The following FHOD3 variants were observed in gnomAD, a reference collection of about 807,000 sequenced individuals.
The protein encoded by FHOD3 is FH1/FH2 domain-containing protein 3.
A neutral mutation model predicts 173.0 loss-of-function variants in FHOD3; 90 were observed. The ratio of observed to expected loss-of-function variants is 0.52; its 90% CI spans 0.44 to 0.62. FHOD3 has a LOEUF of 0.62. FHOD3 is among the 20% of genes least tolerant of loss of function. The probability of loss-of-function intolerance (pLI) is 0.00; values close to 1 mark genes in which losing one functional copy is unlikely to be tolerated. For missense variants in FHOD3, 1,945 were observed against 2,034.7 expected, an observed-to-expected ratio of 0.96 and a Z score of 0.85; for synonymous variants, 828 against 823.0, an observed-to-expected ratio of 1.01 and a Z score of -0.10.
intron 1 of FHOD3, 133 bp from the exon 2 acceptor site, chr18:36,355,406 C>T (rs1598817084): frequency 1.4e-6 from 1 of 690,300 alleles, no homozygotes; most frequent in East Asian, 2.8e-5. Flanking sequence ...CATACTAGCT[C>T]TTCAAGTTAT....
At chr18:36,585,720 A>G (rs1269108519) in intron 6 of FHOD3, among the ~76,000 whole-genome samples, 1 of 152,196 alleles carries the variant, frequency 6.6e-6, no homozygotes, top group Non-Finnish European at 1.5e-5. Context: ...TTGTGAACGC[A>G]AGAAGCAGAA....
intron 1 of FHOD3, among the ~76,000 whole-genome samples, chr18:36,340,720 T>C (rs2045568711): frequency 6.6e-6 from 1 of 151,788 alleles, no homozygotes; most frequent in African/African-American, 2.4e-5. Flanking sequence ...CACTGCAAGC[T>C]CCGCCTTCCG....
At chr18:36,556,581 C>T (rs1394245036) in intron 5 of FHOD3, among the ~76,000 whole-genome samples, 2 of 152,186 alleles carry the variant, frequency 1.3e-5, no homozygotes, top group African/African-American at 2.4e-5. Flanking sequence ...AAGAAACTTA[C>T]AATAACAGTG....
At chr18:36,448,951 C>T (rs1458675942) in intron 3 of FHOD3, among the ~76,000 whole-genome samples, 1 of 151,686 alleles carries the variant, frequency 6.6e-6, no homozygotes, top group Non-Finnish European at 1.5e-5. Flanking sequence ...TTACCCTTTC[C>T]TCCCCCTCCC....
intron 18 of FHOD3, among the ~76,000 whole-genome samples, chr18:36,712,343 T>G (rs1442215643): frequency 6.6e-6 from 1 of 152,146 alleles, no homozygotes; most frequent in East Asian, 1.9e-4. Flanking sequence ...GCCATAATGA[T>G]ATTGCTTCAG....
intron 3 of FHOD3, among the ~76,000 whole-genome samples, chr18:36,415,516 T>A (rs1174911455): frequency 1.3e-5 from 2 of 152,230 alleles, no homozygotes; most frequent in African/African-American, 4.8e-5. Flanking sequence ...CATTAAAATT[T>A]AAATTACATG....
intron 16 of FHOD3, among the ~76,000 whole-genome samples, chr18:36,692,160 G>A (rs1351120728): frequency 6.6e-6 from 1 of 152,178 alleles, no homozygotes; most frequent in African/African-American, 2.4e-5. Context: ...CCACCTTGAG[G>A]ATGGGATGCA....
Position 36,339,846 on chromosome 18 carries a change from G to T in FHOD3, c.166-15693G>T, listed in dbSNP as rs374553755. Among the ~76,000 whole-genome samples, 152 of 152,320 alleles carry T rather than the reference G, an allele frequency of 1.0e-3. No individual in the cohort carries two copies. The Middle Eastern group carries it at 0.02, about 20-fold the overall frequency. On this transcript the variant is annotated intron_variant, in intron 1 of 28. Transcript: ENST00000590592. ...TCAAAAGAGACTGCTGATGGAAGGAGAATGATTTTTTTCCTGCTTTTTGAA... is the reference window on the plus strand; with the variant it reads ...TCAAAAGAGACTGCTGATGGAAGGATAATGATTTTTTTCCTGCTTTTTGAA...
rs752170663 is a variant in FHOD3, at chr18:36,693,270, G to A, written c.2083G>A (p.Val695Met). The A allele has an allele frequency of 6.2e-7, 1 of 1,613,916 alleles. No homozygotes were observed. The highest frequency in any genetic ancestry group is 2.2e-5 in the East Asian group (1 of 44,872). The change falls in exon 17 of 29, where the codon GTG (valine) becomes ATG (methionine). Residue 695 changes from valine (V) to methionine (M), a missense_variant. Transcript: ENST00000590592. ...EHEKELRSRS[V>M]SRGRADLSLD... ...CGAGAAGGAGCTGAGAAGCCGGAGT[G>A]TGAGCCGGGGCAGAGCCGACCTCTC...
At chr18:36,529,429 T>C (rs74965372) in intron 5 of FHOD3, among the ~76,000 whole-genome samples, 8,761 of 148,870 alleles carry the variant, frequency 0.059, 284 homozygotes, top group Middle Eastern at 0.08. Context: ...ATTGAATAAG[T>C]GCATCTTGCT....
intron 7 of FHOD3, 22 bp from the exon 8 acceptor site, chr18:36,602,652 A>T (rs763389500): frequency 1.9e-6 from 3 of 1,548,062 alleles, no homozygotes; most frequent in Admixed American, 1.7e-5. Flanking sequence ...GCTGTTTCTA[A>T]TGATTTTTGC....
At chr18:36,737,899 T>C (rs566597332) in intron 20 of FHOD3, among the ~76,000 whole-genome samples, 1 of 152,232 alleles carries the variant, frequency 6.6e-6, no homozygotes, top group Admixed American at 6.5e-5. Flanking sequence ...TTCTCTTGAG[T>C]TTTAAAGCAT....
chr18:36,658,104 A>C lies in FHOD3; in HGVS notation c.1751A>C (p.His584Pro). The stretch of plus-strand genomic sequence containing the variant: ...AGCAATTTTGGCAATAACTCTTATC[A>C]CTCCTCAAGACCCTCATCTGGATCC... ...RYSNFGNNSY[H>P]SSRPSSGSSV... The change falls in exon 14 of 29, where the codon CAC (histidine) becomes CCC (proline). Residue 584 changes from histidine to proline, a missense_variant. His to Pro is a moderately conservative substitution (Grantham distance 77). This residue lies in a region of FHOD3 where 1,099 missense variants were observed against 1,051.2 expected (regional missense o/e 1.05). Transcript: ENST00000590592. The C allele has an allele frequency of 1.2e-6, 2 of 1,603,292 alleles. No homozygotes were observed. The highest frequency in any genetic ancestry group is 2.3e-5 in the East Asian group (1 of 43,310).
At position 36,718,396 on chromosome 18, in the gene FHOD3, C is replaced by T. The variant is rs537641087; in HGVS notation, c.3098C>T (p.Pro1033Leu). Residue 1033 changes from proline to leucine, a missense_variant, in exon 19 of 29, where the codon CCG becomes CTG. Physicochemically the swap from Pro to Leu is moderately conservative, Grantham distance 98. This residue lies in a region of FHOD3 where 1,099 missense variants were observed against 1,051.2 expected (regional missense o/e 1.05). Transcript: ENST00000590592. ...PPPPPTFLGLPPPPPPPLLDS... is the reference protein window; with the variant it reads ...PPPPPTFLGLLPPPPPPLLDS... ...CCCCCACCCACCTTTCTGGGTTTGC[C>T]GCCCCCACCCCCTCCGCCCCTGTTG... 4.0e-5 allele frequency: 35 copies of T among 877,318 alleles called. No individual in the cohort carries two copies. Among genetic ancestry groups the T allele is most frequent in the South Asian group, 2.8e-4 (16 of 58,174 alleles). The allele number at this position is 877,318 out of a possible 1,614,324, so 54.3% of individuals were successfully genotyped here.
At chr18:36,471,800 G>GT (rs944130162) in intron 3 of FHOD3, among the ~76,000 whole-genome samples, 1 of 152,130 alleles carries the variant, frequency 6.6e-6, no homozygotes, top group Non-Finnish European at 1.5e-5. Flanking sequence ...ACGCGGAAAG[G>GT]TTTTTTGTTT....
At chr18:36,616,294 T>G (rs183229237) in intron 9 of FHOD3, among the ~76,000 whole-genome samples, 539 of 152,322 alleles carry the variant, frequency 3.5e-3, no homozygotes, top group African/African-American at 0.013. Context: ...ACCACAGATT[T>G]GGATTCCATA....
At chr18:36,356,210 A>G (rs894185598) in intron 2 of FHOD3, among the ~76,000 whole-genome samples, 1 of 152,272 alleles carries the variant, frequency 6.6e-6, no homozygotes, top group Non-Finnish European at 1.5e-5. Context: ...GCTATAGTAG[A>G]TAGTTTTATA....
At chr18:36,425,306 T>G (rs549076249) in intron 3 of FHOD3, among the ~76,000 whole-genome samples, 2 of 152,314 alleles carry the variant, frequency 1.3e-5, no homozygotes, top group South Asian at 4.1e-4. Flanking sequence ...GATTCAGGCA[T>G]CTACTGGAGG....
chr18:36,503,373 T>C (rs12956578), intron 4 of FHOD3, among the ~76,000 whole-genome samples: 7,361 of 152,278 alleles, frequency 0.048, 392 homozygotes, highest in East Asian at 0.29. Context: ...TTGTCAGCGA[T>C]AGTTGTCAGT....
Sources: gnomAD v4.1 joint callset for allele counts (sites outside exome capture counted in the v4.1 genomes callset) on GRCh38, gnomAD v4.1.1 for gene constraint, gnomAD v4.1.1 regional missense constraint, MANE v1.5 for transcripts, NCBI Gene and HGNC (gene_info 2026-07-23, HGNC 2026-07-21) for gene names.